Variants in AFF1 observed in about 807,000 individuals in gnomAD.
AFF1 encodes ALF transcription elongation factor 1, also known as AF4/FMR2 family member 1.
AFF1 carries 48 observed loss-of-function variants against 121.7 expected under a neutral mutation model. That is an observed-to-expected ratio of 0.39 (90% CI 0.31 to 0.50). The LOEUF (loss-of-function observed/expected upper bound fraction) is 0.50, where lower values mean the gene tolerates loss of function less well. Among genes scored for constraint, AFF1 ranks in the 20% least tolerant of loss-of-function variants. The pLI is 0.76. For synonymous variants in AFF1, 613 were observed against 563.0 expected, an observed-to-expected ratio of 1.09 and a Z score of -1.26; for missense variants, 1,523 against 1,511.7, an observed-to-expected ratio of 1.01 and a Z score of -0.12.
intron 2 of AFF1, among the ~76,000 whole-genome samples, chr4:87,010,281 GAT>G (rs1726604804): frequency 6.6e-6 from 1 of 152,156 alleles, no homozygotes; most frequent in African/African-American, 2.4e-5. Flanking sequence ...TTAAAATTTA[GAT>G]TTTTGGGGGT....
rs749736928 is a variant in AFF1, at chr4:87,047,045, C to T, written c.510C>T (p.Arg170=). The change falls in exon 4 of 21, where the codon CGC becomes CGT. Residue 170 remains arginine (R), a synonymous_variant. Transcript: ENST00000395146. ...ACAGCCAGCACCTGACCCAGGATCG[C>T]CTTGGTCAGGAGGGGTTCGGCTCTA... ...PPDSQHLTQD[R]LGQEGFGSSH... The T allele has an allele frequency of 1.2e-5, 20 of 1,614,020 alleles. No individual in the cohort carries two copies. The highest frequency in any genetic ancestry group is 1.6e-5 in the Non-Finnish European group (19 of 1,180,010).
intron 4 of AFF1, among the ~76,000 whole-genome samples, chr4:87,060,994 T>A (rs1336366637): frequency 6.6e-6 from 1 of 152,204 alleles, no homozygotes; most frequent in Non-Finnish European, 1.5e-5. Context: ...CGAGGTCTTT[T>A]ATCTCCCTTA....
chr4:86,951,236 G>T (rs548122809), intron 2 of AFF1, among the ~76,000 whole-genome samples: 1 of 152,026 alleles, frequency 6.6e-6, no homozygotes, highest in Non-Finnish European at 1.5e-5. Flanking sequence ...TTCCCAATTG[G>T]TGTGCCATCA....
intron 2 of AFF1, among the ~76,000 whole-genome samples, chr4:86,972,746 G>C (rs1451227107): frequency 1.3e-5 from 2 of 151,956 alleles, no homozygotes; most frequent in Non-Finnish European, 2.9e-5. Context: ...TGCTATGTTG[G>C]CCAGGCTGGT....
intron 12 of AFF1, among the ~76,000 whole-genome samples, chr4:87,115,855 C>T (rs1216027510): frequency 6.6e-6 from 1 of 151,978 alleles, no homozygotes; most frequent in Admixed American, 6.6e-5. Flanking sequence ...AAGTTATCCA[C>T]CCGCCTCTGC....
intron 2 of AFF1, among the ~76,000 whole-genome samples, chr4:87,023,238 T>C (rs1728208077): frequency 6.6e-6 from 1 of 152,230 alleles, no homozygotes; most frequent in Non-Finnish European, 1.5e-5. Context: ...TTCAATGTTA[T>C]CTTAAAATTA....
At chr4:87,055,636 A>G (rs985847498) in intron 4 of AFF1, among the ~76,000 whole-genome samples, 4 of 152,286 alleles carry the variant, frequency 2.6e-5, no homozygotes, top group East Asian at 1.9e-4. Context: ...GCTCTTCTCT[A>G]GATTAACTGT....
intron 8 of AFF1, among the ~76,000 whole-genome samples, chr4:87,097,749 A>T (rs1578244073): frequency 6.6e-6 from 1 of 152,182 alleles, no homozygotes; most frequent in Non-Finnish European, 1.5e-5. Flanking sequence ...GGTGGTATTG[A>T]TAAGTGCCAG....
At chr4:87,059,464 G>C (rs776499829) in intron 4 of AFF1, among the ~76,000 whole-genome samples, 4 of 152,108 alleles carry the variant, frequency 2.6e-5, no homozygotes, top group Non-Finnish European at 1.5e-5. Context: ...CCCTCATTTA[G>C]TATGGATTTT....
At chr4:86,953,612 C>T (rs1721530777) in intron 2 of AFF1, among the ~76,000 whole-genome samples, 1 of 152,188 alleles carries the variant, frequency 6.6e-6, no homozygotes. Flanking sequence ...TATTTCTTCA[C>T]CTTCCTTCCG....
chr4:87,067,030 A>G (rs536392388), intron 4 of AFF1, among the ~76,000 whole-genome samples: 11 of 152,250 alleles, frequency 7.2e-5, no homozygotes, highest in African/African-American at 2.7e-4. Context: ...GTACTATACA[A>G]TTATTAAAAG....
At chr4:87,101,378 A>T (rs1255676140) in intron 8 of AFF1, among the ~76,000 whole-genome samples, 4 of 152,136 alleles carry the variant, frequency 2.6e-5, no homozygotes, top group African/African-American at 7.2e-5. Context: ...GTTTGAGACC[A>T]GCCTGTGCAT....
rs1287102289 is a variant in AFF1 at position 87,139,383 on chromosome 4, A to G, written c.*3682A>G. ...TGTTTTGTTTTGTTTTCTTGTACTT[A>G]AACCTGCTTGCTTCCTACCACAGAT... is the stretch of plus-strand genomic sequence containing the variant. On this transcript the variant is annotated 3_prime_UTR_variant, in exon 21 of 21. Coordinates refer to ENST00000395146, the MANE Select transcript of AFF1 (RefSeq NM_001166693.3). 4.3e-6 allele frequency: 1 copy of G among 233,000 alleles called. No homozygotes were observed. The highest frequency in any genetic ancestry group is 2.2e-5 in the African/African-American group (1 of 45,248). 14.4% of individuals were successfully genotyped at this position (233,000 alleles called of 1,614,324 possible). A position where few individuals can be genotyped will look rare whatever the true frequency, so the allele number is the denominator to read the frequency against.
chr4:86,963,085 G>T (rs1410546985), intron 2 of AFF1, among the ~76,000 whole-genome samples: 2 of 142,522 alleles, frequency 1.4e-5, no homozygotes, highest in Admixed American at 1.5e-4. Flanking sequence ...AGAATTGCTC[G>T]AACCTGGGAG....
At chr4:87,002,198 TCCCCC>T (rs1725779598) in intron 2 of AFF1, among the ~76,000 whole-genome samples, 1 of 150,850 alleles carries the variant, frequency 6.6e-6, no homozygotes, top group South Asian at 2.1e-4. Flanking sequence ...GCCCAGGTGA[TCCCCC>T]TGCCTTAGCC....
chr4:87,006,842 C>T lies in AFF1; in HGVS notation c.39-39324C>T, dbSNP rs561076387. 3 of 523,250 alleles carry T rather than the reference C, an allele frequency of 5.7e-6. No individual in the cohort carries two copies. The East Asian group carries it at 2.8e-4, about 49-fold the overall frequency. 32.4% of individuals were successfully genotyped at this position (523,250 alleles called of 1,614,324 possible). ...GCTTGTCGGCGCCCAGGCTCTGCCC[C>T]CTACCCGACCCTGCCTGCCGCTTGC... On this transcript the variant is annotated intron_variant, in intron 2 of 20. Coordinates refer to ENST00000395146, the MANE Select transcript of AFF1 (RefSeq NM_001166693.3).
At position 87,131,085 on chromosome 4, in the gene AFF1, G is replaced by T. The variant is rs774811579; in HGVS notation, c.2967G>T (p.Thr989=). The T allele has an allele frequency of 3.7e-6, 6 of 1,613,798 alleles. No individual in the cohort carries two copies. In the East Asian group the frequency reaches 1.3e-4, roughly 36 times the overall value. Residue 989 remains threonine (T), a splice_region_variant and synonymous_variant, in exon 17 of 21, where the codon ACG becomes ACT. Transcript: ENST00000395146. ...KKMKQKAELM[T]DRVGKAFKYL... Reference sequence around the variant, plus strand: ...ATGACCATGTTCTTCTCCTGCAGACGGACAGGGTTGGAAAGGCTTTTAAGT... The same window carrying T: ...ATGACCATGTTCTTCTCCTGCAGACTGACAGGGTTGGAAAGGCTTTTAAGT...
At chr4:87,038,369 A>C (rs1435910194) in intron 2 of AFF1, among the ~76,000 whole-genome samples, 3 of 152,196 alleles carry the variant, frequency 2.0e-5, no homozygotes, top group Non-Finnish European at 4.4e-5. Context: ...ACATGGAGTC[A>C]CTTTGATTTC....
chr4:87,138,835 CA>C lies in AFF1; in HGVS notation c.*3135del. 4.4e-6 allele frequency: 1 copy of C among 228,892 alleles called. No individual in the cohort carries two copies. Among genetic ancestry groups the C allele is most frequent in the Non-Finnish European group, 8.7e-6 (1 of 115,456 alleles). The allele number at this position is 228,892 out of a possible 1,614,324, so 14.2% of individuals were successfully genotyped here. On this transcript the variant is annotated 3_prime_UTR_variant, in exon 21 of 21. Transcript: ENST00000395146. ...TAATATTTTGTAACAAAAAGACCTT[CA>C]TATTATCTGTTTTGACCAAAATATG...
Sources: allele counts gnomAD v4.1 joint callset (sites outside exome capture counted in the v4.1 genomes callset), GRCh38; gene constraint gnomAD v4.1.1; transcripts MANE v1.5; gene names NCBI Gene and HGNC (gene_info 2026-07-23, HGNC 2026-07-21).